The following RPRD2 variants were observed in gnomAD, a reference collection of about 807,000 sequenced individuals.
RPRD2 encodes the protein regulation of nuclear pre-mRNA domain-containing protein 2.
A neutral mutation model predicts 104.4 loss-of-function variants in RPRD2; 12 were observed. The ratio of observed to expected loss-of-function variants is 0.11; its 90% CI spans 0.07 to 0.19. RPRD2 has a LOEUF of 0.19. RPRD2 is among the 10% of genes least tolerant of loss of function. RPRD2 has a pLI of 1.00. For missense variants in RPRD2, 1,543 were observed against 1,790.1 expected, an observed-to-expected ratio of 0.86 and a Z score of 2.49; for synonymous variants, 714 against 684.9, an observed-to-expected ratio of 1.04 and a Z score of -0.66.
chr1:150,408,544 G>A (rs782200379), intron 1 of RPRD2, among the ~76,000 whole-genome samples: 2 of 152,210 alleles, frequency 1.3e-5, no homozygotes, highest in East Asian at 1.9e-4. Context: ...TCTCATGCAA[G>A]CATCTTCATG....
Position 150,464,614 on chromosome 1 carries a change from C to T in RPRD2, c.1499C>T (p.Thr500Met), listed in dbSNP as rs782087523. 13 of 1,611,714 alleles carry T rather than the reference C, an allele frequency of 8.1e-6. No homozygotes were observed. Among genetic ancestry groups the T allele is most frequent in the Admixed American group, 1.7e-5 (1 of 59,694 alleles). ...GGCCTGAAAACACCTGCACCTGCCA[C>T]GACAACATCTCACAACCCTCTGGCA... The part of the protein sequence containing the change: ...TSGLKTPAPA[T>M]TTSHNPLANI... Residue 500 changes from threonine to methionine, a missense_variant, in exon 10 of 11, where the codon ACG (threonine) becomes ATG (methionine). By Grantham distance (81) the Thr-to-Met change is moderately conservative. Around this residue, in one of 4 missense-constraint regions of RPRD2, gnomAD observed 572 missense variants for 787.3 expected, o/e 0.73. Transcript: ENST00000369068.
intron 1 of RPRD2, among the ~76,000 whole-genome samples, chr1:150,402,294 C>T (rs782107568): frequency 6.6e-6 from 1 of 152,140 alleles, no homozygotes; most frequent in Non-Finnish European, 1.5e-5. Context: ...ATTTGCATAC[C>T]TATCTTCAGT....
chr1:150,472,076 A>G lies in RPRD2; in HGVS notation c.3128A>G (p.Asn1043Ser). Residue 1043 changes from asparagine (N) to serine (S), a missense_variant, in exon 11 of 11, where the codon AAC becomes AGC. Around this residue, in one of 4 missense-constraint regions of RPRD2, gnomAD observed 880 missense variants for 885.6 expected, o/e 0.99. Coordinates refer to ENST00000369068, the MANE Select transcript of RPRD2 (RefSeq NM_015203.5). Reference sequence around the variant, plus strand: ...CCAAGTGATGGTGTCAGTCTCTCAAACCTCACCCAACCCAGCTTGACCGCC... The same window carrying G: ...CCAAGTGATGGTGTCAGTCTCTCAAGCCTCACCCAACCCAGCTTGACCGCC... ...GTPSDGVSLSNLTQPSLTATD... is the reference protein window; with the variant it reads ...GTPSDGVSLSSLTQPSLTATD... 6.2e-7 allele frequency: 1 copy of G among 1,613,660 alleles called. No homozygotes were observed. Among genetic ancestry groups the G allele is most frequent in the Non-Finnish European group, 8.5e-7 (1 of 1,179,830 alleles).
intron 2 of RPRD2, among the ~76,000 whole-genome samples, chr1:150,427,201 T>G (rs1234689533): frequency 1.3e-5 from 2 of 151,954 alleles, no homozygotes; most frequent in Non-Finnish European, 1.5e-5. Flanking sequence ...GGCCGGGTGC[T>G]GTGGCTCACG....
rs150768346 is a variant in RPRD2, at chr1:150,380,720, T to A, written c.205+15801T>A. On this transcript the variant is annotated intron_variant, in intron 1 of 10. Coordinates refer to ENST00000369068, the MANE Select transcript of RPRD2 (RefSeq NM_015203.5). ...GCCAGGCTGGAGTGCAATGGCGTGC[T>A]GTCGGCTCACTGCAACCTCTGCCTC... is the stretch of plus-strand genomic sequence containing the variant. Among the ~76,000 whole-genome samples the A allele has an allele frequency of 8.4e-3, 1,281 of 151,814 alleles. 5 individuals carry two copies. Among genetic ancestry groups the A allele is most frequent in the Non-Finnish European group, 0.012 (838 of 67,964 alleles).
rs782370215 is a variant in RPRD2 at position 150,460,230 on chromosome 1, G to A, written c.1324G>A (p.Ala442Thr). The A allele has an allele frequency of 1.2e-6, 2 of 1,613,606 alleles. No homozygotes were observed. The highest frequency in any genetic ancestry group is 2.7e-5 in the African/African-American group (2 of 74,912). Residue 442 changes from alanine to threonine, a missense_variant, in exon 9 of 11, where the codon GCA (alanine) becomes ACA (threonine). By Grantham distance (58) the Ala-to-Thr change is moderately conservative. Coordinates refer to ENST00000369068, the MANE Select transcript of RPRD2 (RefSeq NM_015203.5). ...PVNTSLSPSP[A>T]LALPNLANVD... is the part of the protein sequence containing the mutation. ...GAATACTTCTCTTTCCCCTTCCCCA[G>A]CATTGGCTTTGCCAAACCTGGCTAA...
In RPRD2 at chr1:150,471,124, C is replaced by T. The variant is rs201498425; in HGVS notation, c.2176C>T (p.Arg726Trp). ...SIDNIDGTPV[R>W]DERSGTPTQD... ...CGACAACATTGATGGAACCCCTGTACGGGATGAACGGAGTGGGACACCCAC... is the reference window on the plus strand; with the variant it reads ...CGACAACATTGATGGAACCCCTGTATGGGATGAACGGAGTGGGACACCCAC... The change falls in exon 11 of 11, where the codon CGG becomes TGG. Residue 726 changes from arginine (R) to tryptophan (W), a missense_variant. Transcript: ENST00000369068. The surrounding 1 kb of genome is among the most constrained non-coding windows in gnomAD (Gnocchi z 5.3). 1.2e-3 allele frequency: 1,881 copies of T among 1,613,932 alleles called. 2 individuals carry two copies. The highest frequency in any genetic ancestry group is 1.5e-3 in the Non-Finnish European group (1,742 of 1,179,878).
chr1:150,375,052 T>C (rs1660601511), intron 1 of RPRD2, among the ~76,000 whole-genome samples: 1 of 151,848 alleles, frequency 6.6e-6, no homozygotes, highest in South Asian at 2.1e-4. Flanking sequence ...CATAGAGTTA[T>C]AGGTGGTATT....
intron 1 of RPRD2, among the ~76,000 whole-genome samples, chr1:150,375,294 T>C (rs951674356): frequency 1.3e-5 from 2 of 152,192 alleles, no homozygotes; most frequent in South Asian, 2.1e-4. Flanking sequence ...CCAAATTCCA[T>C]AGTAAGCTAA....
chr1:150,368,822 G>C (rs1553877671), intron 1 of RPRD2, among the ~76,000 whole-genome samples: 1 of 151,990 alleles, frequency 6.6e-6, no homozygotes, highest in East Asian at 1.9e-4. Context: ...TGGCCAGGCT[G>C]GTTTTGAACT....
chr1:150,440,859 G>A, intron 2 of RPRD2, 64 bp from the exon 3 acceptor site: 1 of 771,168 alleles, frequency 1.3e-6, no homozygotes, highest in Non-Finnish European at 2.1e-6. Context: ...TTTATTTTCA[G>A]ATTTCTAGTT....
chr1:150,412,392 G>A (rs139783923), intron 1 of RPRD2, among the ~76,000 whole-genome samples: 2,037 of 152,248 alleles, frequency 0.013, 19 homozygotes, highest in Middle Eastern at 0.044. Flanking sequence ...TGGTTTGCGG[G>A]AAGAAGTAGA....
At chr1:150,430,180 G>A (rs587750512) in intron 2 of RPRD2, among the ~76,000 whole-genome samples, 1 of 152,226 alleles carries the variant, frequency 6.6e-6, no homozygotes, top group Admixed American at 6.6e-5. Context: ...TTCAGAGATT[G>A]GAATTATCAG....
At chr1:150,397,106 T>G (rs1299176050) in intron 1 of RPRD2, among the ~76,000 whole-genome samples, 4 of 152,114 alleles carry the variant, frequency 2.6e-5, no homozygotes, top group Non-Finnish European at 5.9e-5. Flanking sequence ...CCTGAGTAGC[T>G]GGGATCACAG....
At chr1:150,451,457 G>A (rs1043874211) in intron 7 of RPRD2, among the ~76,000 whole-genome samples, 4 of 151,342 alleles carry the variant, frequency 2.6e-5, no homozygotes, top group African/African-American at 7.3e-5. Context: ...GGTGGATCAC[G>A]AGGGCAGGAG....
At position 150,417,687 on chromosome 1, in the gene RPRD2, A is replaced by G; in HGVS notation, c.297A>G (p.Ser99=). 1 of 1,608,068 alleles carries G rather than the reference A, an allele frequency of 6.2e-7. No individual in the cohort carries two copies. Among genetic ancestry groups the G allele is most frequent in the Non-Finnish European group, 8.5e-7 (1 of 1,175,952 alleles). ...KRKNAIIFRE[S]FADVLPEAAA... ...AAAATGCAATCATATTCCGTGAATC[A>G]TTTGCTGATGTACTTCCTGAAGCAG... Residue 99 remains serine, a synonymous_variant, in exon 2 of 11, where the codon TCA becomes TCG. Coordinates refer to ENST00000369068, the MANE Select transcript of RPRD2 (RefSeq NM_015203.5).
intron 1 of RPRD2, among the ~76,000 whole-genome samples, chr1:150,404,819 A>T (rs190763305): frequency 6.6e-6 from 1 of 152,282 alleles, no homozygotes; most frequent in East Asian, 1.9e-4. Context: ...AAGAGTTCCT[A>T]TCCAGAATTC....
chr1:150,431,780 C>T (rs1665615932), intron 2 of RPRD2, among the ~76,000 whole-genome samples: 1 of 151,740 alleles, frequency 6.6e-6, no homozygotes, highest in Admixed American at 6.6e-5. Flanking sequence ...TGCGCCCGGC[C>T]AAAAAGGAAG....
chr1:150,455,164 A>C (rs959265577), intron 7 of RPRD2, among the ~76,000 whole-genome samples: 1 of 152,154 alleles, frequency 6.6e-6, no homozygotes, highest in Non-Finnish European at 1.5e-5. Context: ...ACAGTCTACA[A>C]AATACCTGAC....
Sources: gnomAD v4.1 joint callset for allele counts (sites outside exome capture counted in the v4.1 genomes callset) on GRCh38, gnomAD v4.1.1 for gene constraint, gnomAD v4.1.1 regional missense constraint, Gnocchi (gnomAD v3.1) non-coding constraint, MANE v1.5 for transcripts, NCBI Gene and HGNC (gene_info 2026-07-23, HGNC 2026-07-21) for gene names.